The following KIF26A variants were observed in gnomAD, a reference collection of about 807,000 sequenced individuals.
KIF26A encodes the protein kinesin family member 26A, also known as kinesin-like protein KIF26A.
In KIF26A, 74 loss-of-function variants were observed where a neutral mutation model predicts 126.0. The ratio of observed to expected loss-of-function variants is 0.59; its 90% CI spans 0.49 to 0.71. The LOEUF (loss-of-function observed/expected upper bound fraction) is 0.71, where lower values mean the gene tolerates loss of function less well. KIF26A is among the 30% of genes least tolerant of loss of function. The pLI, the probability that KIF26A is intolerant of heterozygous loss-of-function variation, is 0.00. For synonymous variants in KIF26A, 1,445 were observed against 1,232.7 expected, an observed-to-expected ratio of 1.17 and a Z score of -3.61; for missense variants, 2,984 against 2,763.3, an observed-to-expected ratio of 1.08 and a Z score of -1.79.
At chr14:104,155,063 G>T (rs2037763743) in intron 3 of KIF26A, among the ~76,000 whole-genome samples, 1 of 152,186 alleles carries the variant, frequency 6.6e-6, no homozygotes. Context: ...GGGCGAGTCC[G>T]CCCCATGGGG....
At chr14:104,147,982 G>A (rs541713528) in intron 2 of KIF26A, among the ~76,000 whole-genome samples, 53 of 152,344 alleles carry the variant, frequency 3.5e-4, no homozygotes, top group African/African-American at 1.2e-3. Context: ...GTCTGATGGC[G>A]TGGCGTCTCT....
intron 2 of KIF26A, among the ~76,000 whole-genome samples, chr14:104,142,808 G>A (rs763309022): frequency 6.6e-6 from 1 of 152,198 alleles, no homozygotes; most frequent in Admixed American, 6.5e-5. Context: ...CATGGGGTCC[G>A]GGTCACCTGG....
At chr14:104,145,443 C>A (rs12887046) in intron 2 of KIF26A, among the ~76,000 whole-genome samples, 4 of 152,068 alleles carry the variant, frequency 2.6e-5, no homozygotes, top group Non-Finnish European at 5.9e-5. Context: ...GGGTGGGTGG[C>A]CCAGCCCGGT....
chr14:104,170,461 G>A (rs539760436), intron 5 of KIF26A, among the ~76,000 whole-genome samples: 13 of 152,354 alleles, frequency 8.5e-5, no homozygotes, highest in South Asian at 8.3e-4. Context: ...CGCCTGGTGC[G>A]AACTACCCAT....
At chr14:104,178,790 T>C in intron 13 of KIF26A, 35 bp downstream of exon 13, 1 of 1,229,786 alleles carries the variant, frequency 8.1e-7, no homozygotes, top group Non-Finnish European at 1.1e-6. Context: ...CTATGACCCC[T>C]GGTGGGGAGC....
intron 10 of KIF26A, 131 bp from the exon 11 acceptor site, chr14:104,174,017 G>A: frequency 7.2e-7 from 1 of 1,397,064 alleles, no homozygotes. Flanking sequence ...CCCGTGGGCT[G>A]CCTGGGGCCC....
At chr14:104,179,144 A>G in intron 13 of KIF26A, 92 bp from the exon 14 acceptor site, 1 of 1,327,688 alleles carries the variant, frequency 7.5e-7, no homozygotes, top group South Asian at 1.7e-5. Context: ...AAGGCCTGGC[A>G]GGTGAAGGGA....
In KIF26A at chr14:104,180,105, G is replaced by C. The variant is rs1044017743; in HGVS notation, c.*315G>C. 3.3e-6 allele frequency: 1 copy of C among 301,572 alleles called. No individual in the cohort carries two copies. Among genetic ancestry groups the C allele is most frequent in the African/African-American group, 2.2e-5 (1 of 46,072 alleles). The allele number at this position is 301,572 out of a possible 1,614,324, so 18.7% of individuals were successfully genotyped here. On this transcript the variant is annotated 3_prime_UTR_variant, in exon 15 of 15. Transcript: ENST00000423312. ...CACCAGCAGAAGTTGTGTTCAGCCCGGCCCCGCTGCGCCTGTCCGGGCCGG... is the reference window on the plus strand; with the variant it reads ...CACCAGCAGAAGTTGTGTTCAGCCCCGCCCCGCTGCGCCTGTCCGGGCCGG...
rs143028361 is a variant in KIF26A at position 104,159,787 on chromosome 14, G to A, written c.923+1845G>A. Among the ~76,000 whole-genome samples the A allele has an allele frequency of 3.9e-3, 593 of 152,284 alleles. 1 individual carries two copies. The highest frequency in any genetic ancestry group is 6.3e-3 in the Non-Finnish European group (428 of 68,014). On this transcript the variant is annotated intron_variant, in intron 4 of 14. Coordinates refer to ENST00000423312, the MANE Select transcript of KIF26A (RefSeq NM_015656.2). The stretch of plus-strand genomic sequence containing the variant: ...GTGGCGGGGGACATCCTGGCAGGTG[G>A]GCCCTGTCGGTGGATGCCTGACGTG...
chr14:104,163,324 C>A (rs2037849985), intron 4 of KIF26A, among the ~76,000 whole-genome samples: 1 of 152,238 alleles, frequency 6.6e-6, no homozygotes, highest in Non-Finnish European at 1.5e-5. Context: ...CTGCGCTTCC[C>A]AGCGTTCCCC....
chr14:104,142,354 C>T (rs187586096), intron 2 of KIF26A, among the ~76,000 whole-genome samples: 106 of 151,824 alleles, frequency 7.0e-4, no homozygotes, highest in South Asian at 1.0e-3. Context: ...ACACTGTGCC[C>T]TCTGCTCTCA....
At chr14:104,145,391 G>A (rs1194913726) in intron 2 of KIF26A, among the ~76,000 whole-genome samples, 1 of 152,158 alleles carries the variant, frequency 6.6e-6, no homozygotes, top group Admixed American at 6.5e-5. Flanking sequence ...ACCTGTCCCC[G>A]ACCCCAGCAG....
intron 3 of KIF26A, among the ~76,000 whole-genome samples, chr14:104,156,569 C>T (rs570847547): frequency 3.7e-4 from 56 of 152,058 alleles, no homozygotes; most frequent in African/African-American, 5.3e-4. Flanking sequence ...TTCCAGGTCC[C>T]GGGAGGGGCC....
chr14:104,139,703 C>A (rs966233041), intron 2 of KIF26A, among the ~76,000 whole-genome samples: 3 of 152,212 alleles, frequency 2.0e-5, no homozygotes, highest in African/African-American at 7.2e-5. Context: ...AGCCAGGTGT[C>A]TGGAAATTAC....
At chr14:104,144,602 C>T (rs1566854048) in intron 2 of KIF26A, among the ~76,000 whole-genome samples, 1 of 152,186 alleles carries the variant, frequency 6.6e-6, no homozygotes. Context: ...CCTTAAGTAA[C>T]AAAGAAAGTC....
At chr14:104,155,357 G>A (rs368295013) in intron 3 of KIF26A, among the ~76,000 whole-genome samples, 6 of 152,330 alleles carry the variant, frequency 3.9e-5, no homozygotes, top group African/African-American at 9.6e-5. Context: ...GGTTGCAGGT[G>A]CTCTCTGCTG....
In KIF26A at chr14:104,152,431, GGTCA is replaced by G. The variant is rs2037739109; in HGVS notation, c.706_709del (p.Val236ThrfsTer71). On this transcript the variant is annotated frameshift_variant, in exon 3 of 15. Transcript: ENST00000423312. LOFTEE classifies it high-confidence loss of function. The surrounding 1 kb of genome is among the most constrained non-coding windows in gnomAD (Gnocchi z 5.9). ...TGGAGGGCATGTGGAGTGTCTCGCG[GGTCA>G]ACAGCTTCCTCCCGCCGGCGTGCCT... is the stretch of plus-strand genomic sequence containing the variant. 1 of 1,591,706 alleles carries G rather than the reference GGTCA, an allele frequency of 6.3e-7. No homozygotes were observed. The highest frequency in any genetic ancestry group is 1.3e-5 in the African/African-American group (1 of 74,388).
chr14:104,178,577 C>A lies in KIF26A; in HGVS notation c.5138C>A (p.Ala1713Asp). ...CTGCAGCGGCGGCGCCTGATTCCCG[C>A]CCCACTGCCCGACACCACTGCCCTG... ...TGLQRRRLIP[A>D]PLPDTTALGR... Residue 1713 changes from alanine (A) to aspartate (D), a missense_variant, in exon 13 of 15, where the codon GCC (alanine) becomes GAC (aspartate). Transcript: ENST00000423312. The A allele has an allele frequency of 6.7e-7, 1 of 1,494,088 alleles. No homozygotes were observed. Among genetic ancestry groups the A allele is most frequent in the Non-Finnish European group, 8.9e-7 (1 of 1,118,768 alleles). 92.6% of individuals were successfully genotyped at this position (1,494,088 alleles called of 1,614,324 possible).
chr14:104,171,854 C>G lies in KIF26A; in HGVS notation c.1245C>G (p.Ser415Arg), dbSNP rs199943086. ...LYDPAAGPPG[S>R]AGPRRAATAA... ...ATCCCGCCGCCGGTCCCCCAGGCAGCGCAGGCCCCCGGCGAGCCGCCACTG... is the reference window on the plus strand; with the variant it reads ...ATCCCGCCGCCGGTCCCCCAGGCAGGGCAGGCCCCCGGCGAGCCGCCACTG... The change falls in exon 6 of 15, where the codon AGC (serine) becomes AGG (arginine). Residue 415 changes from serine to arginine, a missense_variant. By Grantham distance (110) the Ser-to-Arg change is moderately radical. Coordinates refer to ENST00000423312, the MANE Select transcript of KIF26A (RefSeq NM_015656.2). 1.9e-6 allele frequency: 3 copies of G among 1,554,474 alleles called. No homozygotes were observed. In the South Asian group the frequency reaches 3.6e-5, roughly 18 times the overall value.
Sources: allele counts gnomAD v4.1 joint callset (sites outside exome capture counted in the v4.1 genomes callset), GRCh38; gene constraint gnomAD v4.1.1; non-coding constraint Gnocchi (gnomAD v3.1); transcripts MANE v1.5; gene names NCBI Gene and HGNC (gene_info 2026-07-23, HGNC 2026-07-21).